PTPRT: variants seen among roughly 807,000 people sequenced by gnomAD.
PTPRT encodes the protein receptor-type tyrosine-protein phosphatase T.
A neutral mutation model predicts 176.8 loss-of-function variants in PTPRT; 56 were observed. That is an observed-to-expected ratio of 0.32 (90% CI 0.26 to 0.40). The LOEUF (loss-of-function observed/expected upper bound fraction) is 0.40. Among genes scored for constraint, PTPRT ranks in the 10% least tolerant of loss-of-function variants. The pLI is 1.00. For synonymous variants in PTPRT, 783 were observed against 739.0 expected, an observed-to-expected ratio of 1.06 and a Z score of -0.96; for missense variants, 1,540 against 1,908.2, an observed-to-expected ratio of 0.81 and a Z score of 3.60.
At chr20:42,214,247 T>G (rs2146754907) in intron 15 of PTPRT, among the ~76,000 whole-genome samples, 1 of 152,258 alleles carries the variant, frequency 6.6e-6, no homozygotes. Flanking sequence ...TCTCCCCTTG[T>G]CCTAAAGCTT....
chr20:42,074,453 T>C lies in PTPRT; in HGVS notation c.*6426A>G. ...AGGCTTTTATACTGATACTTTTCTG[T>C]CCAACACTTCAAGGCCACCAGACAC... On this transcript the variant is annotated 3_prime_UTR_variant, in exon 31 of 31. Transcript: ENST00000373187. 2 of 284,866 alleles carry C rather than the reference T, an allele frequency of 7.0e-6. No homozygotes were observed. Among genetic ancestry groups the C allele is most frequent in the Non-Finnish European group, 1.3e-5 (2 of 153,410 alleles). The allele number at this position is 284,866 out of a possible 1,614,324, so 17.6% of individuals were successfully genotyped here. A position where few individuals can be genotyped will look rare whatever the true frequency, so the allele number is the denominator to read the frequency against.
At chr20:42,150,319 C>T (rs1245982312) in intron 17 of PTPRT, among the ~76,000 whole-genome samples, 2 of 152,202 alleles carry the variant, frequency 1.3e-5, no homozygotes, top group African/African-American at 4.8e-5. Flanking sequence ...CTTCACTCTC[C>T]TTTGCTTGAC....
chr20:42,062,285 A>C, the PTPRT span, among the ~76,000 whole-genome samples: 1 of 152,168 alleles, frequency 6.6e-6, no homozygotes, highest in Non-Finnish European at 1.5e-5. Flanking sequence ...CGCATTTGTC[A>C]GACATGTAAA....
At chr20:42,760,380 C>CTTTTTT (rs754362528) in intron 5 of PTPRT, among the ~76,000 whole-genome samples, 2 of 94,244 alleles carry the variant, frequency 2.1e-5, no homozygotes, top group African/African-American at 8.6e-5. Context: ...TCTAAATCTG[C>CTTTTTT]TTTTTTTTTT....
intron 1 of PTPRT, among the ~76,000 whole-genome samples, chr20:42,904,436 G>T (rs558719394): frequency 6.6e-6 from 1 of 152,296 alleles, no homozygotes; most frequent in African/African-American, 2.4e-5. Flanking sequence ...CTGGTTGCAT[G>T]ACCTTGGCTG....
intron 7 of PTPRT, among the ~76,000 whole-genome samples, chr20:42,489,452 A>C (rs74905577): frequency 0.012 from 1,869 of 151,976 alleles, 16 homozygotes; most frequent in Non-Finnish European, 0.019. Context: ...GTTGCGGGTT[A>C]AGCCATCAGA....
chr20:42,449,127 T>C lies in PTPRT; in HGVS notation c.1451-798A>G, dbSNP rs180807446. On this transcript the variant is annotated intron_variant, in intron 8 of 30. Coordinates refer to ENST00000373187, the MANE Select transcript of PTPRT (RefSeq NM_007050.6). ...TAATTCCTGAATCCAACATGAACTA[T>C]GTGGCTTGAAACCCCAATCCAATTA... Among the ~76,000 whole-genome samples, 4 of 152,322 alleles carry C rather than the reference T, an allele frequency of 2.6e-5. No homozygotes were observed. In the East Asian group the frequency reaches 7.7e-4, roughly 29 times the overall value.
chr20:42,407,908 G>A (rs952819703), intron 9 of PTPRT, among the ~76,000 whole-genome samples: 1 of 151,870 alleles, frequency 6.6e-6, no homozygotes, highest in African/African-American at 2.4e-5. Flanking sequence ...AATAATATGA[G>A]ACAAGGAAAA....
chr20:42,119,013 GAAAAA>G (rs11415242), intron 20 of PTPRT, among the ~76,000 whole-genome samples: 4 of 29,214 alleles, frequency 1.4e-4, no homozygotes, highest in Non-Finnish European at 1.8e-4. Context: ...AGAAAGGAAG[GAAAAA>G]AAAAAAAAAA....
intron 2 of PTPRT, among the ~76,000 whole-genome samples, chr20:42,829,977 C>G (rs2078058019): frequency 6.6e-6 from 1 of 151,984 alleles, no homozygotes; most frequent in Non-Finnish European, 1.5e-5. Flanking sequence ...TCAAAACAAG[C>G]CCAGGACCAG....
intron 7 of PTPRT, among the ~76,000 whole-genome samples, chr20:42,537,068 TAAG>T (rs1297922736): frequency 6.6e-6 from 1 of 151,970 alleles, no homozygotes; most frequent in Non-Finnish European, 1.5e-5. Flanking sequence ...AAAATTTCTC[TAAG>T]AAGTAGAGAC....
intron 7 of PTPRT, among the ~76,000 whole-genome samples, chr20:42,501,487 T>C (rs1308162369): frequency 6.6e-6 from 1 of 152,182 alleles, no homozygotes; most frequent in African/African-American, 2.4e-5. Context: ...GTGTGGGTAG[T>C]ATATATTTAC....
At chr20:43,106,852 A>G (rs1345280739) in intron 1 of PTPRT, among the ~76,000 whole-genome samples, 3 of 151,966 alleles carry the variant, frequency 2.0e-5, no homozygotes, top group Non-Finnish European at 4.4e-5. Flanking sequence ...GTGCAATGGC[A>G]TGATCTTCAC....
chr20:42,686,448 T>C (rs1422264932), intron 6 of PTPRT: 4 of 139,358 alleles, frequency 2.9e-5, no homozygotes, highest in African/African-American at 1.1e-4. Flanking sequence ...TTCCAGCTCA[T>C]AGTGCACTCT....
chr20:42,780,072 T>C, intron 4 of PTPRT, 146 bp downstream of exon 4: 1 of 710,022 alleles, frequency 1.4e-6, no homozygotes, highest in African/African-American at 1.8e-5. Context: ...CTGATTGCAT[T>C]GAGTATGTAA....
chr20:42,995,047 C>A (rs191734740), intron 1 of PTPRT, among the ~76,000 whole-genome samples: 1 of 152,296 alleles, frequency 6.6e-6, no homozygotes, highest in East Asian at 1.9e-4. Context: ...AGGGAAACAT[C>A]CTAATCTGCT....
intron 13 of PTPRT, among the ~76,000 whole-genome samples, chr20:42,277,241 G>T (rs2057054982): frequency 6.6e-6 from 1 of 152,198 alleles, no homozygotes; most frequent in Non-Finnish European, 1.5e-5. Context: ...GATTAAAACT[G>T]TGGCTGTCTT....
chr20:42,862,053 C>G (rs1233512293), intron 2 of PTPRT, among the ~76,000 whole-genome samples: 11 of 152,184 alleles, frequency 7.2e-5, no homozygotes, highest in African/African-American at 2.7e-4. Context: ...CACACACACA[C>G]ACAAGACACT....
At chr20:42,137,043 G>T (rs1988412206) in intron 18 of PTPRT, among the ~76,000 whole-genome samples, 1 of 152,216 alleles carries the variant, frequency 6.6e-6, no homozygotes, top group Non-Finnish European at 1.5e-5. Flanking sequence ...AGAAGGCAGA[G>T]AAGGCTCTAG....
Sources: gnomAD v4.1 joint callset for allele counts (sites outside exome capture counted in the v4.1 genomes callset) on GRCh38, gnomAD v4.1.1 for gene constraint, MANE v1.5 for transcripts, NCBI Gene and HGNC (gene_info 2026-07-23, HGNC 2026-07-21) for gene names.